SYT1: variants seen among roughly 807,000 people sequenced by gnomAD.
The protein encoded by SYT1 is synaptotagmin 1, also known as synaptotagmin-1.
Under a neutral mutation model 44.8 loss-of-function variants are expected in SYT1, and 8 were observed. That is an observed-to-expected ratio of 0.18 (90% confidence interval 0.10 to 0.32). The LOEUF (loss-of-function observed/expected upper bound fraction) is 0.32, where lower values mean the gene tolerates loss of function less well. Ranked by LOEUF, SYT1 falls within the 10% of genes least tolerant of loss-of-function variation. The pLI, the probability that SYT1 is intolerant of heterozygous loss-of-function variation, is 1.00. For missense variants in SYT1, 286 were observed against 509.3 expected (o/e 0.56, Z 4.22); for synonymous variants, 154 against 188.8 (o/e 0.82, Z 1.51).
At chr12:78,906,802 G>A (rs568979938) in intron 1 of SYT1, among the ~76,000 whole-genome samples, 10 of 152,124 alleles carry the variant, frequency 6.6e-5, no homozygotes, top group Admixed American at 2.0e-4. Flanking sequence ...TCCCTAGGCC[G>A]TATTGATCAT....
chr12:79,249,466 A>G (rs569753683), intron 4 of SYT1, among the ~76,000 whole-genome samples: 40 of 152,274 alleles, frequency 2.6e-4, no homozygotes, highest in African/African-American at 8.4e-4. Context: ...GAGAAATCAC[A>G]TGCATCCAGA....
intron 3 of SYT1, among the ~76,000 whole-genome samples, chr12:79,085,428 G>A (rs1392442670): frequency 6.6e-6 from 1 of 152,148 alleles, no homozygotes; most frequent in East Asian, 1.9e-4. Flanking sequence ...GTCTCTTCTG[G>A]TTTTTAAGTC....
At chr12:78,957,460 A>AG (rs1879271569) in intron 1 of SYT1, among the ~76,000 whole-genome samples, 2 of 152,204 alleles carry the variant, frequency 1.3e-5, no homozygotes, top group Admixed American at 1.3e-4. Context: ...AACATTAAGC[A>AG]TAATACTTAC....
chr12:79,040,226 T>G (rs1158227571), intron 2 of SYT1, among the ~76,000 whole-genome samples: 5 of 151,040 alleles, frequency 3.3e-5, no homozygotes, highest in Non-Finnish European at 7.4e-5. Flanking sequence ...TGAACTAGTT[T>G]ACAGTCCCAC....
At chr12:78,988,920 G>C (rs145916361) in intron 2 of SYT1, among the ~76,000 whole-genome samples, 4 of 152,284 alleles carry the variant, frequency 2.6e-5, no homozygotes, top group African/African-American at 9.6e-5. Context: ...AGGTGAGGCA[G>C]CTACCAGAGT....
intron 9 of SYT1, among the ~76,000 whole-genome samples, chr12:79,390,545 C>T (rs1045988998): frequency 2.0e-5 from 3 of 152,086 alleles, no homozygotes; most frequent in South Asian, 2.1e-4. Flanking sequence ...AATTTACCCT[C>T]TTGTCTCTAG....
rs183577285 is a variant in SYT1, at chr12:78,917,133, T to C, written c.-217+52024T>C. Among the ~76,000 whole-genome samples the C allele has an allele frequency of 3.5e-4, 54 of 152,164 alleles. No homozygotes were observed. In the East Asian group the frequency reaches 8.8e-3, roughly 25 times the overall value. ...GTAGGAAATAAAAGAAAGAAAGTTCTTTCCTATATTGAGTTGAAATGTTTT... is the reference window on the plus strand; with the variant it reads ...GTAGGAAATAAAAGAAAGAAAGTTCCTTCCTATATTGAGTTGAAATGTTTT... On this transcript the variant is annotated intron_variant, in intron 1 of 10. Coordinates refer to ENST00000261205, the MANE Select transcript of SYT1 (RefSeq NM_005639.3).
chr12:79,058,701 A>C (rs1322672922), intron 3 of SYT1, among the ~76,000 whole-genome samples: 1 of 152,182 alleles, frequency 6.6e-6, no homozygotes, highest in Admixed American at 6.6e-5. Context: ...AAATAACTTA[A>C]GGAATTTCTG....
In SYT1 at chr12:79,006,582, C is replaced by T. The variant is rs143991550; in HGVS notation, c.-84+28651C>T. Among the ~76,000 whole-genome samples, 79 of 152,092 alleles carry T rather than the reference C, an allele frequency of 5.2e-4. No homozygotes were observed. In the Middle Eastern group the frequency reaches 0.014, roughly 26 times the overall value. ...TATTTGGTGCCATCTTCTGAGAGCC[C>T]CTGAAATGACATCTGTCCCATCTGT... On this transcript the variant is annotated intron_variant, in intron 2 of 10. Coordinates refer to ENST00000261205, the MANE Select transcript of SYT1 (RefSeq NM_005639.3).
At chr12:79,124,399 G>A (rs532187258) in intron 3 of SYT1, among the ~76,000 whole-genome samples, 1 of 152,272 alleles carries the variant, frequency 6.6e-6, no homozygotes, top group African/African-American at 2.4e-5. Context: ...AAGGGACTAT[G>A]ATACCAAACT....
At chr12:78,910,859 A>G (rs1157793570) in intron 1 of SYT1, among the ~76,000 whole-genome samples, 2 of 152,020 alleles carry the variant, frequency 1.3e-5, no homozygotes, top group South Asian at 4.1e-4. Context: ...GATAATGTGC[A>G]TGGGAAAGAG....
chr12:79,317,473 A>G (rs1413405899), intron 8 of SYT1, among the ~76,000 whole-genome samples: 1 of 152,166 alleles, frequency 6.6e-6, no homozygotes, highest in Non-Finnish European at 1.5e-5. Flanking sequence ...AGAGATGGCA[A>G]AGTACTCACT....
intron 1 of SYT1, among the ~76,000 whole-genome samples, chr12:78,954,993 T>C (rs1879137697): frequency 6.6e-6 from 1 of 152,168 alleles, no homozygotes; most frequent in South Asian, 2.1e-4. Context: ...TTTTCTGAAG[T>C]TTGAAGATGA....
chr12:79,064,940 GA>G (rs1360494407), intron 3 of SYT1, among the ~76,000 whole-genome samples: 2 of 119,790 alleles, frequency 1.7e-5, no homozygotes, highest in Non-Finnish European at 3.6e-5. Context: ...AAGAAAGAAA[GA>G]AAGAAAGAAA....
intron 8 of SYT1, among the ~76,000 whole-genome samples, chr12:79,326,087 C>G (rs73352963): frequency 0.061 from 9,235 of 152,158 alleles, 464 homozygotes; most frequent in African/African-American, 0.14. Context: ...AAATGGAACA[C>G]ATTTTCTTGC....
chr12:78,877,409 A>G (rs1592516586), intron 1 of SYT1, among the ~76,000 whole-genome samples: 1 of 151,516 alleles, frequency 6.6e-6, no homozygotes, highest in Non-Finnish European at 1.5e-5. Context: ...GAATTTTGGG[A>G]GCTACAATTC....
intron 2 of SYT1, among the ~76,000 whole-genome samples, chr12:79,039,883 T>C (rs1315541979): frequency 1.4e-5 from 2 of 144,606 alleles, no homozygotes; most frequent in Non-Finnish European, 3.0e-5. Context: ...TTTGGTTTTT[T>C]GTTCTTGTGA....
intron 1 of SYT1, among the ~76,000 whole-genome samples, chr12:78,923,678 A>AC (rs898682291): frequency 3.1e-4 from 45 of 147,208 alleles, no homozygotes; most frequent in Middle Eastern, 3.5e-3. Flanking sequence ...CTCTCTCTCC[A>AC]CCCCCCCTTT....
At chr12:79,300,792 TATATATATATATATA>T (rs1880106887) in intron 8 of SYT1, among the ~76,000 whole-genome samples, 8 of 74,878 alleles carry the variant, frequency 1.1e-4, no homozygotes, top group South Asian at 8.1e-4. Flanking sequence ...ATACTTATTA[TATATATATATATATA>T]TATATATATA....
Sources: allele counts gnomAD v4.1 joint callset (sites outside exome capture counted in the v4.1 genomes callset), GRCh38; gene constraint gnomAD v4.1.1; transcripts MANE v1.5; gene names NCBI Gene and HGNC (gene_info 2026-07-23, HGNC 2026-07-21).